The following NCOR2 variants were observed in gnomAD, a reference collection of about 807,000 sequenced individuals.
NCOR2 encodes CTG repeat protein 26.
Under a neutral mutation model 262.9 loss-of-function variants are expected in NCOR2, and 81 were observed. The ratio of observed to expected loss-of-function variants is 0.31; its 90% CI spans 0.26 to 0.37. NCOR2 has a LOEUF of 0.37. Ranked by LOEUF, NCOR2 falls within the 10% of genes least tolerant of loss-of-function variation. The probability of loss-of-function intolerance (pLI) is 1.00; values close to 1 mark genes in which losing one functional copy is unlikely to be tolerated. For synonymous variants in NCOR2, 1,659 were observed against 1,559.3 expected, an observed-to-expected ratio of 1.06 and a Z score of -1.51; for missense variants, 3,385 against 3,621.4, an observed-to-expected ratio of 0.93 and a Z score of 1.68.
chr12:124,457,120 GC>G lies in NCOR2; in HGVS notation c.747del (p.Gln251ArgfsTer22). On this transcript the variant is annotated frameshift_variant, in exon 6 of 47. Transcript: ENST00000405201. LOFTEE classifies it high-confidence loss of function. This position sits in a 1 kb window ranked among gnomAD's most constrained non-coding sequence, Gnocchi z 4.0. ...CCCCAGCTCACCAGCTCCACCTGGGGCCCCAGGCCTTCCAGAATCCGATGTG... is the reference window on the plus strand; with the variant it reads ...CCCCAGCTCACCAGCTCCACCTGGGGCCCAGGCCTTCCAGAATCCGATGTG... 2 of 1,530,056 alleles carry G rather than the reference GC, an allele frequency of 1.3e-6. No individual in the cohort carries two copies. Among genetic ancestry groups the G allele is most frequent in the Admixed American group, 2.5e-5 (1 of 39,274 alleles). The allele number at this position is 1,530,056 out of a possible 1,614,324, so 94.8% of individuals were successfully genotyped here. A position where few individuals can be genotyped will look rare whatever the true frequency, so the allele number is the denominator to read the frequency against.
chr12:124,336,859 G>T, exon 38 of NCOR2: 1 of 1,611,766 alleles, frequency 6.2e-7, no homozygotes, highest in Non-Finnish European at 8.5e-7. Flanking sequence ...CCGGGCTGGC[G>T]TGGTGAGGTG....
At chr12:124,380,737 G>A (rs1009581813) in intron 17 of NCOR2, among the ~76,000 whole-genome samples, 2 of 152,058 alleles carry the variant, frequency 1.3e-5, no homozygotes, top group African/African-American at 4.8e-5. Context: ...GTCTCCTGTC[G>A]GCCTGGTGGT....
chr12:124,540,246 C>T (rs837460), upstream of NCOR2, among the ~76,000 whole-genome samples: 29,918 of 148,312 alleles, frequency 0.2, 3,391 homozygotes, highest in Non-Finnish European at 0.25. Flanking sequence ...GCAGGGAGGG[C>T]CCCCTGCAGG....
At chr12:124,562,717 G>A (rs1252927601) in intron 1 of NCOR2, among the ~76,000 whole-genome samples, 3 of 152,218 alleles carry the variant, frequency 2.0e-5, no homozygotes, top group East Asian at 1.9e-4. Context: ...GCAACAAGCC[G>A]AAGCCTGGGG....
rs534842024 is a variant in NCOR2, at chr12:124,479,327, T to C, written c.411+4269A>G. Reference sequence around the variant, plus strand: ...ACATGCACGGACACATGCACACACGTGCGCACACAAACACACATACACACG... The same window carrying C: ...ACATGCACGGACACATGCACACACGCGCGCACACAAACACACATACACACG... On this transcript the variant is annotated intron_variant, in intron 3 of 46. Coordinates refer to ENST00000405201, the Ensembl canonical transcript of NCOR2. Among the ~76,000 whole-genome samples, 928 of 144,370 alleles carry C rather than the reference T, an allele frequency of 6.4e-3. 16 individuals are homozygous for C. Among genetic ancestry groups the C allele is most frequent in the African/African-American group, 0.022 (846 of 38,360 alleles). The allele number at this position is 144,370 out of a possible 152,430, so 94.7% of individuals were successfully genotyped here. A position where few individuals can be genotyped will look rare whatever the true frequency, so the allele number is the denominator to read the frequency against.
chr12:124,326,777 G>C (rs2034691007), intron 45 of NCOR2, among the ~76,000 whole-genome samples: 1 of 152,134 alleles, frequency 6.6e-6, no homozygotes, highest in Non-Finnish European at 1.5e-5. Flanking sequence ...GGACCCCTGA[G>C]GCCAGGCCTG....
At chr12:124,501,060 GCGCACACACA>G (rs1341623014) in intron 1 of NCOR2, among the ~76,000 whole-genome samples, 133 of 48,822 alleles carry the variant, frequency 2.7e-3, no homozygotes, top group African/African-American at 7.0e-3. Context: ...GCGCGCACGC[GCGCACACACA>G]CACACACACA....
At chr12:124,355,833 T>C (rs936066420) in intron 23 of NCOR2, among the ~76,000 whole-genome samples, 2 of 152,148 alleles carry the variant, frequency 1.3e-5, no homozygotes, top group Non-Finnish European at 2.9e-5. Context: ...CTGGATCCCC[T>C]GTCTCCCCAT....
chr12:124,355,261 G>A (rs1566387040), intron 24 of NCOR2, 171 bp downstream of exon 26: 1 of 747,336 alleles, frequency 1.3e-6, no homozygotes, highest in Non-Finnish European at 2.1e-6. Flanking sequence ...CCCCAGGGAC[G>A]AGGCCCTGAG....
intron 1 of NCOR2, among the ~76,000 whole-genome samples, chr12:124,534,223 G>C (rs978891652): frequency 6.6e-6 from 1 of 152,158 alleles, no homozygotes; most frequent in African/African-American, 2.4e-5. Flanking sequence ...TTGGGAGGCC[G>C]AGGCAGGAGG....
chr12:124,550,966 C>A (rs528879797), intron 1 of NCOR2, among the ~76,000 whole-genome samples: 4 of 152,364 alleles, frequency 2.6e-5, no homozygotes, highest in African/African-American at 9.6e-5. Flanking sequence ...CACGTCACAT[C>A]CCCATGACAA....
chr12:124,400,042 A>G (rs116351823), intron 15 of NCOR2, among the ~76,000 whole-genome samples: 3,164 of 152,194 alleles, frequency 0.021, 107 homozygotes, highest in African/African-American at 0.071. Flanking sequence ...CTCGGCTCCC[A>G]ACAACAGCCA....
At chr12:124,500,914 C>CG (rs1304596843) in intron 1 of NCOR2, among the ~76,000 whole-genome samples, 1 of 152,146 alleles carries the variant, frequency 6.6e-6, no homozygotes, top group Admixed American at 6.5e-5. Context: ...GAAAGGCACG[C>CG]GGGGCTCTGC....
intron 1 of NCOR2, among the ~76,000 whole-genome samples, chr12:124,509,047 C>T (rs2049221580): frequency 6.6e-6 from 1 of 152,176 alleles, no homozygotes; most frequent in Non-Finnish European, 1.5e-5. Context: ...GAAAGGCAGG[C>T]CAGGCAGGGA....
At chr12:124,435,244 C>T (rs955326521) in intron 8 of NCOR2, among the ~76,000 whole-genome samples, 4 of 152,226 alleles carry the variant, frequency 2.6e-5, no homozygotes, top group African/African-American at 9.7e-5. Flanking sequence ...CTCTTCTCCC[C>T]AGATTACCGG....
chr12:124,392,810 A>G (rs1167003650), intron 16 of NCOR2, among the ~76,000 whole-genome samples: 1 of 152,192 alleles, frequency 6.6e-6, no homozygotes, highest in African/African-American at 2.4e-5. Context: ...AGGCCAGCCC[A>G]TGTGCACAGC....
intron 30 of NCOR2, chr12:124,347,349 C>T (rs946400294): frequency 5.8e-5 from 10 of 171,496 alleles, no homozygotes; most frequent in Non-Finnish European, 8.7e-5. Context: ...GCCTGGGCAA[C>T]AGAATGAGAC....
rs1272135973 is a variant in NCOR2 at position 124,372,957 on chromosome 12, C to T, written c.2219-347G>A. Among the ~76,000 whole-genome samples the T allele has an allele frequency of 2.6e-5, 4 of 152,368 alleles. No homozygotes were observed. In the East Asian group the frequency reaches 7.7e-4, roughly 29 times the overall value. ...GGGCAAAGGCCTTCGTCCTGGGGGT[C>T]TCCATGTTCTCATCTGAGCTCTAAC... On this transcript the variant is annotated intron_variant, in intron 19 of 46. Transcript: ENST00000405201.
chr12:124,447,783 A>G (rs540018027), intron 7 of NCOR2, among the ~76,000 whole-genome samples: 47 of 151,844 alleles, frequency 3.1e-4, no homozygotes, highest in Admixed American at 3.9e-4. Context: ...TGCAGCCCTG[A>G]ACTCCTGGGC....
Sources: gnomAD v4.1 joint callset for allele counts (sites outside exome capture counted in the v4.1 genomes callset) on GRCh38, gnomAD v4.1.1 for gene constraint, Gnocchi (gnomAD v3.1) non-coding constraint, MANE v1.5 for transcripts, NCBI Gene and HGNC (gene_info 2026-07-23, HGNC 2026-07-21) for gene names.